ZNF25: variants seen among roughly 807,000 people sequenced by gnomAD.
ZNF25 encodes zinc finger protein 25.
Under a neutral mutation model 30.9 loss-of-function variants are expected in ZNF25, and 21 were observed. That is an observed-to-expected ratio of 0.68 (90% CI 0.48 to 0.98). ZNF25 has a LOEUF of 0.98. Among genes scored for constraint, ZNF25 ranks in the 50% least tolerant of loss-of-function variants. The pLI, the probability that ZNF25 is intolerant of heterozygous loss-of-function variation, is 0.00. For synonymous variants in ZNF25, 169 were observed against 181.3 expected, an observed-to-expected ratio of 0.93 and a Z score of 0.55; for missense variants, 501 against 529.9, an observed-to-expected ratio of 0.95 and a Z score of 0.54.
intron 5 of ZNF25, 175 bp from the exon 6 acceptor site, chr10:37,953,370 GT>G: frequency 6.2e-6 from 4 of 649,244 alleles, no homozygotes; most frequent in Non-Finnish European, 7.7e-6. Flanking sequence ...CTGCACTGTA[GT>G]TTAACATTTG....
chr10:37,969,044 T>C (rs993306378), intron 2 of ZNF25, among the ~76,000 whole-genome samples: 1 of 152,036 alleles, frequency 6.6e-6, no homozygotes, highest in Non-Finnish European at 1.5e-5. Flanking sequence ...GCATCACTCA[T>C]CTCTAAAGAA....
chr10:37,954,903 C>T (rs937985680), intron 4 of ZNF25, among the ~76,000 whole-genome samples: 1 of 152,068 alleles, frequency 6.6e-6, no homozygotes, highest in Non-Finnish European at 1.5e-5. Context: ...CCTGTAATCC[C>T]GGCACTTTGA....
At chr10:37,970,013 T>C (rs2063399243) in intron 2 of ZNF25, among the ~76,000 whole-genome samples, 2 of 152,176 alleles carry the variant, frequency 1.3e-5, no homozygotes. Context: ...TGGCACCAGT[T>C]TGTATCAGCT....
chr10:37,956,939 G>T, intron 4 of ZNF25, 81 bp downstream of exon 4: 17 of 845,708 alleles, frequency 2.0e-5, no homozygotes, highest in Non-Finnish European at 3.0e-5. Flanking sequence ...AAAAAAGTGA[G>T]AGATTGCCGA....
intron 2 of ZNF25, among the ~76,000 whole-genome samples, chr10:37,970,632 A>C (rs2063436206): frequency 6.6e-6 from 1 of 152,158 alleles, no homozygotes; most frequent in Admixed American, 6.5e-5. Context: ...AAACAAAACA[A>C]AATTCAATGT....
rs757173126 is a variant in ZNF25, at chr10:37,952,366, AT to A, written c.1131del (p.Lys377AsnfsTer5). 5.6e-6 allele frequency: 9 copies of A among 1,608,972 alleles called. No homozygotes were observed. The Admixed American group carries it at 1.3e-4, about 24-fold the overall frequency. ...CTGAGGACTGAATTCACAGCAAAAG[AT>A]TTGCCACATTCTGTGCATTCATAGG... Reference protein sequence around the residue: ...EKPYECTECGKSFAVNSVLRL... With the variant: ...EKPYECTECGXSFAVNSVLRL... On this transcript the variant is annotated frameshift_variant, in exon 6 of 6. Coordinates refer to ENST00000302609, the MANE Select transcript of ZNF25 (RefSeq NM_145011.4). LOFTEE classifies it low-confidence loss of function (END_TRUNC).
chr10:37,952,233 CCT>C lies in ZNF25; in HGVS notation c.1263_1264del (p.Lys424AlafsTer3), dbSNP rs751424294. The C allele has an allele frequency of 3.7e-6, 6 of 1,614,064 alleles. No homozygotes were observed. Among genetic ancestry groups the C allele is most frequent in the South Asian group, 1.1e-5 (1 of 91,078 alleles). ...CTCCTGACACTCATAGGGCTTCTCC[CCT>C]GTGTGTTTTCTCTGATGTATAATAA... is the stretch of plus-strand genomic sequence containing the variant. On this transcript the variant is annotated frameshift_variant, in exon 6 of 6. Transcript: ENST00000302609. LOFTEE classifies it low-confidence loss of function (END_TRUNC).
chr10:37,967,711 A>G (rs748865423), intron 2 of ZNF25, among the ~76,000 whole-genome samples: 21 of 152,084 alleles, frequency 1.4e-4, no homozygotes, highest in African/African-American at 4.3e-4. Context: ...TTCAGCCCCA[A>G]CTGATTTTCA....
Position 37,952,248 on chromosome 10 carries a change from TG to T in ZNF25, c.1249del (p.Gln417ArgfsTer71). ...FSQKSHFIIH[Q>X]RKHTGEKPYE... ...GGGCTTCTCCCCTGTGTGTTTTCTC[TG>T]ATGTATAATAAAATGTGACTTCTGA... On this transcript the variant is annotated frameshift_variant, in exon 6 of 6. Coordinates refer to ENST00000302609, the MANE Select transcript of ZNF25 (RefSeq NM_145011.4). LOFTEE classifies it low-confidence loss of function (END_TRUNC). 2 of 1,614,112 alleles carry T rather than the reference TG, an allele frequency of 1.2e-6. No individual in the cohort carries two copies. Among genetic ancestry groups the T allele is most frequent in the Non-Finnish European group, 1.7e-6 (2 of 1,180,002 alleles).
chr10:37,955,856 G>A (rs1028900931), intron 4 of ZNF25, among the ~76,000 whole-genome samples: 30 of 151,966 alleles, frequency 2.0e-4, no homozygotes, highest in African/African-American at 7.0e-4. Flanking sequence ...GCTAATTTTT[G>A]TATTTTTAGT....
Position 37,952,604 on chromosome 10 carries a change from A to G in ZNF25, c.894T>C (p.Asn298=). The G allele has an allele frequency of 6.2e-7, 1 of 1,609,472 alleles. No homozygotes were observed. The highest frequency in any genetic ancestry group is 8.5e-7 in the Non-Finnish European group (1 of 1,178,888). ...CKECGKFFSR[N]SHLKTHQRSH... ...TTCTCTGATGAGTTTTGAGGTGTGA[A>G]TTCCTAGAGAAGAATTTCCCACATT... The change falls in exon 6 of 6, where the codon AAT becomes AAC. Residue 298 remains asparagine (N), a synonymous_variant. Coordinates refer to ENST00000302609, the MANE Select transcript of ZNF25 (RefSeq NM_145011.4).
intron 1 of ZNF25, among the ~76,000 whole-genome samples, chr10:37,975,710 AATTC>A (rs532766971): frequency 1.7e-4 from 26 of 152,320 alleles, no homozygotes; most frequent in African/African-American, 6.0e-4. Context: ...GGCCTTAAAT[AATTC>A]ACCTTTTGAC....
At chr10:37,967,905 A>T (rs2063276173) in intron 2 of ZNF25, 1 of 152,244 alleles carries the variant, frequency 6.6e-6, no homozygotes, top group African/African-American at 2.4e-5. Context: ...CTTAGAAGAA[A>T]ACATAGCCTA....
intron 2 of ZNF25, among the ~76,000 whole-genome samples, chr10:37,959,383 T>C (rs1456621703): frequency 6.6e-6 from 1 of 152,192 alleles, no homozygotes; most frequent in Non-Finnish European, 1.5e-5. Context: ...AATTAGTTAC[T>C]AACCACTGGG....
At position 37,957,108 on chromosome 10, in the gene ZNF25, A is replaced by G. The variant is rs770204752; in HGVS notation, c.150T>C (p.His50=). The G allele has an allele frequency of 2.5e-6, 4 of 1,613,516 alleles. No individual in the cohort carries two copies. Among genetic ancestry groups the G allele is most frequent in the East Asian group, 2.2e-5 (1 of 44,866 alleles). Residue 50 remains histidine (H), a synonymous_variant, in exon 4 of 6, where the codon CAT becomes CAC. Transcript: ENST00000302609. ...NYSHLVSVGY[H]VNKPNAVFKL... ...TGAAGACTGCATTTGGCTTATTCAC[A>G]TGGTAACCTATGAATGGAAAATATC...
intron 2 of ZNF25, among the ~76,000 whole-genome samples, chr10:37,970,703 C>T (rs541868158): frequency 3.9e-5 from 6 of 152,290 alleles, no homozygotes; most frequent in African/African-American, 1.4e-4. Context: ...GATGTTACCT[C>T]TTACCATTCT....
intron 1 of ZNF25, among the ~76,000 whole-genome samples, chr10:37,974,077 C>T (rs1382395234): frequency 6.6e-6 from 1 of 152,110 alleles, no homozygotes; most frequent in Non-Finnish European, 1.5e-5. Flanking sequence ...TATCCATACG[C>T]AGAAGAATGA....
chr10:37,953,232 C>CT, intron 5 of ZNF25, 37 bp from the exon 6 acceptor site: 2 of 1,525,202 alleles, frequency 1.3e-6, no homozygotes, highest in Non-Finnish European at 1.8e-6. Flanking sequence ...ATGTGTAAGA[C>CT]TTTTAAGGCT....
chr10:37,957,656 G>T, intron 2 of ZNF25, 110 bp from the exon 3 acceptor site: 1 of 1,246,502 alleles, frequency 8.0e-7, no homozygotes, highest in Non-Finnish European at 1.1e-6. Flanking sequence ...TCATTCTGGA[G>T]AGTTAGGATA....
Sources: gnomAD v4.1 joint callset for allele counts (sites outside exome capture counted in the v4.1 genomes callset) on GRCh38, gnomAD v4.1.1 for gene constraint, MANE v1.5 for transcripts, NCBI Gene and HGNC (gene_info 2026-07-23, HGNC 2026-07-21) for gene names.